Variants in AP5Z1 observed in about 807,000 individuals in gnomAD.
AP5Z1 encodes the protein AP-5 complex subunit zeta-1.
In AP5Z1, 106 loss-of-function variants were observed where a neutral mutation model predicts 83.0. That is an observed-to-expected ratio of 1.28 (90% confidence interval 1.09 to 1.50). The LOEUF (loss-of-function observed/expected upper bound fraction) is 1.50, where lower values mean the gene tolerates loss of function less well. AP5Z1 is among the 40% of genes most tolerant of loss of function. The pLI is 0.00. For missense variants in AP5Z1, 1,565 were observed against 1,094.2 expected, an observed-to-expected ratio of 1.43 and a Z score of -6.07; for synonymous variants, 751 against 514.1, an observed-to-expected ratio of 1.46 and a Z score of -6.23.
intron 13 of AP5Z1, 71 bp downstream of exon 13, chr7:4,789,022 G>T: frequency 3.7e-6 from 5 of 1,344,464 alleles, no homozygotes; most frequent in South Asian, 1.3e-5. Context: ...AGCCAGCACT[G>T]GGGGGCCCTC....
In AP5Z1 at chr7:4,791,929, G is replaced by C. The variant is rs1223243452; in HGVS notation, c.*544G>C. The C allele has an allele frequency of 6.5e-6, 1 of 153,724 alleles. No individual in the cohort carries two copies. The highest frequency in any genetic ancestry group is 1.4e-5 in the Non-Finnish European group (1 of 69,080). 9.5% of individuals were successfully genotyped at this position (153,724 alleles called of 1,614,324 possible). A position where few individuals can be genotyped will look rare whatever the true frequency, so the allele number is the denominator to read the frequency against. On this transcript the variant is annotated 3_prime_UTR_variant, in exon 17 of 17. Transcript: ENST00000649063. ...CACAGCCCGGAAGGCAGCGGCGCGA[G>C]TTCCCGGGTGTGGTCACCGCTCTGG...
Position 4,788,292 on chromosome 7 carries a change from G to A in AP5Z1, c.1593G>A (p.Glu531=). The A allele has an allele frequency of 1.3e-6, 2 of 1,589,274 alleles. No individual in the cohort carries two copies. Among genetic ancestry groups the A allele is most frequent in the Non-Finnish European group, 8.6e-7 (1 of 1,169,348 alleles). The change falls in exon 12 of 17, where the codon GAG becomes GAA. Residue 531 remains glutamate (E), a splice_region_variant and synonymous_variant. Transcript: ENST00000649063. Reference sequence around the variant, plus strand: ...GCCCCAAGGCCAGTGGCGCCACTGAGAGGTACGGGGCCCTAGGGCCAGGGG... The same window carrying A: ...GCCCCAAGGCCAGTGGCGCCACTGAAAGGTACGGGGCCCTAGGGCCAGGGG... ...LLRPKASGAT[E]RLAPLHQLLQ... is the part of the protein sequence containing the mutation.
chr7:4,791,240 T>G lies in AP5Z1; in HGVS notation c.2279T>G (p.Met760Arg), dbSNP rs1562415694. ...ACAGAGCTGCTGACCCTGCTGAAGA[T>G]GCCTAGCGTGGCCCAGTTTGTGCTC... The part of the protein sequence containing the change: ...RATELLTLLK[M>R]PSVAQFVLTP... The change falls in exon 17 of 17, where the codon ATG (methionine) becomes AGG (arginine). Residue 760 changes from methionine (M) to arginine (R), a missense_variant. By Grantham distance (91) the Met-to-Arg change is moderately conservative. Coordinates refer to ENST00000649063, the MANE Select transcript of AP5Z1 (RefSeq NM_014855.3). The G allele has an allele frequency of 1.9e-6, 3 of 1,612,782 alleles. No homozygotes were observed. The highest frequency in any genetic ancestry group is 1.1e-5 in the South Asian group (1 of 91,062).
intron 7 of AP5Z1, 116 bp from the exon 8 acceptor site, chr7:4,785,299 C>T (rs1483857182): frequency 2.1e-5 from 30 of 1,400,564 alleles, no homozygotes; most frequent in Non-Finnish European, 2.6e-5. Flanking sequence ...CTCCTGGGGG[C>T]CTGTCCCACC....
chr7:4,775,697 G>T lies in AP5Z1; in HGVS notation c.-19G>T. ...CCTGGAGTTTCCGAGGTTCGTGCGC[G>T]TCTGGTGGCGGCGGCGTGATGTTCT... On this transcript the variant is annotated 5_prime_UTR_variant, in exon 1 of 17. Transcript: ENST00000649063. 1.2e-6 allele frequency: 2 copies of T among 1,606,930 alleles called. No individual in the cohort carries two copies. Among genetic ancestry groups the T allele is most frequent in the South Asian group, 1.1e-5 (1 of 91,046 alleles).
Position 4,789,836 on chromosome 7 carries a change from C to T in AP5Z1, c.1712C>T (p.Ala571Val). 4 of 1,551,602 alleles carry T rather than the reference C, an allele frequency of 2.6e-6. No homozygotes were observed. The East Asian group carries it at 9.8e-5, about 38-fold the overall frequency. Reference sequence around the variant, plus strand: ...TTTCCCACTCCTGACCCCCAGGTGGCTGACGGGTCCCTGATCAACCAGCTG... The same window carrying T: ...TTTCCCACTCCTGACCCCCAGGTGGTTGACGGGTCCCTGATCAACCAGCTG... ...QAFFSAVTQV[A>V]DGSLINQLAL... The change falls in exon 14 of 17, where the codon GCT becomes GTT. Residue 571 changes from alanine to valine, a missense_variant. Ala to Val is a moderately conservative substitution (Grantham distance 64). Transcript: ENST00000649063.
intron 1 of AP5Z1, among the ~76,000 whole-genome samples, chr7:4,779,043 T>G (rs567901601): frequency 8.9e-4 from 129 of 145,324 alleles, no homozygotes; most frequent in Middle Eastern, 3.6e-3. Context: ...AAAATATATA[T>G]ATAGATAGAT....
At position 4,782,766 on chromosome 7, in the gene AP5Z1, C is replaced by T. The variant is rs563712775; in HGVS notation, c.367-550C>T. On this transcript the variant is annotated intron_variant, in intron 3 of 16. Coordinates refer to ENST00000649063, the MANE Select transcript of AP5Z1 (RefSeq NM_014855.3). Reference sequence around the variant, plus strand: ...GGCTCTTCTTGTTTGTTTCACCCGCCCTTCTCCTCAAGCAACTCATTTTTT... The same window carrying T: ...GGCTCTTCTTGTTTGTTTCACCCGCTCTTCTCCTCAAGCAACTCATTTTTT... Among the ~76,000 whole-genome samples, 4 of 151,098 alleles carry T rather than the reference C, an allele frequency of 2.6e-5. No individual in the cohort carries two copies. In the East Asian group the frequency reaches 5.8e-4, roughly 22 times the overall value.
intron 3 of AP5Z1, among the ~76,000 whole-genome samples, chr7:4,782,788 T>C (rs1263172891): frequency 1.3e-5 from 2 of 152,172 alleles, no homozygotes; most frequent in Non-Finnish European, 2.9e-5. Flanking sequence ...GCAACTCATT[T>C]TTTTCAGTGG....
chr7:4,793,774 C>G lies in AP5Z1; in HGVS notation c.*2389C>G, dbSNP rs900509438. ...GCCATGCCTGAGCCTCCCCCCTCCC[C>G]TCCGTGGGTTCCTGCGCAGTCCGAG... is the stretch of plus-strand genomic sequence containing the variant. On this transcript the variant is annotated 3_prime_UTR_variant, in exon 17 of 17. Transcript: ENST00000649063. 3.2e-5 allele frequency: 5 copies of G among 154,840 alleles called. 1 individual carries two copies. In the East Asian group the frequency reaches 9.4e-4, roughly 29 times the overall value. 9.6% of individuals were successfully genotyped at this position (154,840 alleles called of 1,614,324 possible).
At chr7:4,777,935 C>T (rs111836529) in intron 1 of AP5Z1, among the ~76,000 whole-genome samples, 2 of 152,338 alleles carry the variant, frequency 1.3e-5, no homozygotes, top group African/African-American at 2.4e-5. Flanking sequence ...TTGGAGCCGG[C>T]CAGGCGCAGT....
At chr7:4,785,340 A>G in intron 7 of AP5Z1, 75 bp from the exon 8 acceptor site, 1 of 1,554,030 alleles carries the variant, frequency 6.4e-7, no homozygotes, top group Non-Finnish European at 8.7e-7. Flanking sequence ...TGGAGCTTCC[A>G]GAGCACAAGC....
In AP5Z1 at chr7:4,785,024, C is replaced by T. The variant is rs373101852; in HGVS notation, c.907C>T (p.Arg303Cys). The T allele has an allele frequency of 4.0e-5, 65 of 1,607,480 alleles. No homozygotes were observed. The highest frequency in any genetic ancestry group is 1.1e-4 in the South Asian group (10 of 90,764). ...LREVAFEYCQ[R>C]LIEQSNRRAL... is the part of the protein sequence containing the mutation. The stretch of plus-strand genomic sequence containing the variant: ...GGAGGTGGCCTTCGAGTACTGCCAG[C>T]GCCTCATTGAGCAAAGTAACCGACG... The change falls in exon 7 of 17, where the codon CGC (arginine) becomes TGC (cysteine). Residue 303 changes from arginine (R) to cysteine (C), a missense_variant. By Grantham distance (180) the Arg-to-Cys change is radical. Coordinates refer to ENST00000649063, the MANE Select transcript of AP5Z1 (RefSeq NM_014855.3).
chr7:4,785,824 C>A, intron 9 of AP5Z1, 140 bp downstream of exon 9: 1 of 1,224,194 alleles, frequency 8.2e-7, no homozygotes, highest in Non-Finnish European at 1.1e-6. Context: ...CCAGGCTGGT[C>A]TGGAACTCGT....
At position 4,792,370 on chromosome 7, in the gene AP5Z1, TCCGGCCTCGGCCCCG is replaced by T. The variant is rs1401605419; in HGVS notation, c.*988_*1002del. 4.6e-4 allele frequency: 11 copies of T among 24,056 alleles called. No individual in the cohort carries two copies. Among genetic ancestry groups the T allele is most frequent in the African/African-American group, 2.0e-3 (11 of 5,496 alleles). 1.5% of individuals were successfully genotyped at this position (24,056 alleles called of 1,614,324 possible). On this transcript the variant is annotated 3_prime_UTR_variant, in exon 17 of 17. Coordinates refer to ENST00000649063, the MANE Select transcript of AP5Z1 (RefSeq NM_014855.3). ...TTGCTCTGGCCCCGCCCACCTCCCC[TCCGGCCTCGGCCCCG>T]CCCCCAATCCCCCATAGCTCTGCGA...
At chr7:4,783,142 G>T (rs1381226179) in intron 3 of AP5Z1, among the ~76,000 whole-genome samples, 174 bp from the exon 4 acceptor site, 3 of 152,224 alleles carry the variant, frequency 2.0e-5, no homozygotes, top group Non-Finnish European at 4.4e-5. Flanking sequence ...GCTGGAGGCG[G>T]AGCAGGCACC....
At chr7:4,783,948 G>T (rs1322026739) in intron 5 of AP5Z1, 150 bp downstream of exon 5, 3 of 961,690 alleles carry the variant, frequency 3.1e-6, no homozygotes, top group Non-Finnish European at 1.5e-6. Context: ...GTCAGGCAGG[G>T]CCACAGCCCC....
chr7:4,790,371 C>G, intron 14 of AP5Z1, 88 bp from the exon 15 acceptor site: 1 of 1,596,294 alleles, frequency 6.3e-7, no homozygotes, highest in Non-Finnish European at 8.5e-7. Flanking sequence ...CACTCAGACG[C>G]TTCCCGGGTT....
At chr7:4,783,872 A>C (rs1484051707) in intron 5 of AP5Z1, 74 bp downstream of exon 5, 1 of 1,444,006 alleles carries the variant, frequency 6.9e-7, no homozygotes, top group Non-Finnish European at 9.4e-7. Flanking sequence ...TCCTGTGCCC[A>C]CAGCGGCGAG....
Sources: gnomAD v4.1 joint callset for allele counts (sites outside exome capture counted in the v4.1 genomes callset) on GRCh38, gnomAD v4.1.1 for gene constraint, MANE v1.5 for transcripts, NCBI Gene and HGNC (gene_info 2026-07-23, HGNC 2026-07-21) for gene names.